SGCZ: variants seen among roughly 807,000 people sequenced by gnomAD.
SGCZ encodes sarcoglycan zeta.
SGCZ carries 40 observed loss-of-function variants against 41.3 expected under a neutral mutation model. The observed-to-expected ratio is 0.97, with a 90% CI of 0.75 to 1.26. The LOEUF (loss-of-function observed/expected upper bound fraction) is 1.26, where lower values mean the gene tolerates loss of function less well. Among genes scored for constraint, SGCZ ranks in the 50% most tolerant of loss-of-function variants. The pLI is 0.00. For missense variants in SGCZ, 552 were observed against 369.8 expected, an observed-to-expected ratio of 1.49 and a Z score of -4.04; for synonymous variants, 206 against 137.5, an observed-to-expected ratio of 1.50 and a Z score of -3.49.
At chr8:14,653,502 A>G (rs985468826) in intron 1 of SGCZ, among the ~76,000 whole-genome samples, 2 of 152,166 alleles carry the variant, frequency 1.3e-5, no homozygotes, top group African/African-American at 4.8e-5. Flanking sequence ...ATTATTCAGT[A>G]GCGCTGCATT....
chr8:14,298,650 T>C (rs554487439), intron 3 of SGCZ, among the ~76,000 whole-genome samples: 2 of 152,032 alleles, frequency 1.3e-5, no homozygotes, highest in South Asian at 2.1e-4. Flanking sequence ...GATCTGTTCA[T>C]TGAAAACTAT....
chr8:14,714,486 A>T (rs796250732), intron 1 of SGCZ, among the ~76,000 whole-genome samples: 9 of 152,078 alleles, frequency 5.9e-5, no homozygotes, highest in African/African-American at 2.2e-4. Context: ...TATATGGAAT[A>T]TTTTTTTTCA....
At chr8:14,547,558 T>G (rs1008104823) in intron 2 of SGCZ, among the ~76,000 whole-genome samples, 1 of 152,208 alleles carries the variant, frequency 6.6e-6, no homozygotes, top group Non-Finnish European at 1.5e-5. Flanking sequence ...TAATAATGCA[T>G]GGAAATAATG....
intron 1 of SGCZ, among the ~76,000 whole-genome samples, chr8:15,169,722 A>G (rs1235451693): frequency 1.3e-5 from 2 of 152,156 alleles, no homozygotes; most frequent in African/African-American, 2.4e-5. Flanking sequence ...GTATCTTCAC[A>G]TGGTGAAAAG....
intron 1 of SGCZ, among the ~76,000 whole-genome samples, chr8:15,093,463 T>G (rs1056928857): frequency 1.3e-5 from 2 of 152,228 alleles, no homozygotes; most frequent in Non-Finnish European, 2.9e-5. Context: ...TAGTGATAAT[T>G]TTGTAGTATA....
At position 14,673,568 on chromosome 8, in the gene SGCZ, G is replaced by A. The variant is rs191217580; in HGVS notation, c.40-118642C>T. ...GAGGCCTCCCAATCCATGTGGAACT[G>A]TGAGTCAATTAAACCTCTCTTATTT... On this transcript the variant is annotated intron_variant, in intron 1 of 7. Coordinates refer to ENST00000382080, the MANE Select transcript of SGCZ (RefSeq NM_139167.4). 4.2e-3 allele frequency among the ~76,000 whole-genome samples: 637 copies of A among 152,166 alleles called. 4 individuals are homozygous for A. Among genetic ancestry groups the A allele is most frequent in the African/African-American group, 0.015 (617 of 41,532 alleles).
intron 1 of SGCZ, among the ~76,000 whole-genome samples, chr8:14,814,226 T>A (rs750343017): frequency 4.6e-5 from 7 of 152,156 alleles, no homozygotes; most frequent in Non-Finnish European, 1.0e-4. Context: ...AAGCCATATT[T>A]GCGTTATTTT....
At chr8:14,592,711 C>T (rs1039938204) in intron 1 of SGCZ, among the ~76,000 whole-genome samples, 1 of 152,078 alleles carries the variant, frequency 6.6e-6, no homozygotes, top group African/African-American at 2.4e-5. Flanking sequence ...GGAAAAATTT[C>T]ATTTTATGTG....
intron 1 of SGCZ, among the ~76,000 whole-genome samples, chr8:14,721,751 A>T (rs1425049336): frequency 1.3e-5 from 2 of 152,214 alleles, no homozygotes; most frequent in Non-Finnish European, 2.9e-5. Context: ...TCTTCTGTTC[A>T]AAACTCTACA....
chr8:14,573,889 T>C (rs997674475), intron 1 of SGCZ, among the ~76,000 whole-genome samples: 3 of 152,096 alleles, frequency 2.0e-5, no homozygotes, highest in Non-Finnish European at 4.4e-5. Flanking sequence ...GGCCTAACTC[T>C]GAGAAGGTGA....
chr8:14,558,613 A>AGAGAGAGAGAGAGAC (rs59852253), intron 1 of SGCZ, among the ~76,000 whole-genome samples: 1 of 148,536 alleles, frequency 6.7e-6, no homozygotes, highest in Non-Finnish European at 1.5e-5. Flanking sequence ...AGAGAGAGAG[A>AGAGAGAGAGAGAGAC]ATCTTCCATA....
intron 2 of SGCZ, among the ~76,000 whole-genome samples, chr8:14,510,654 G>A (rs1256233491): frequency 6.6e-6 from 1 of 152,142 alleles, no homozygotes; most frequent in Non-Finnish European, 1.5e-5. Context: ...AGGCCTGTAA[G>A]GGCAGATATG....
At chr8:14,241,307 A>G (rs1282649565) in intron 3 of SGCZ, among the ~76,000 whole-genome samples, 4 of 151,676 alleles carry the variant, frequency 2.6e-5, no homozygotes, top group African/African-American at 4.8e-5. Flanking sequence ...AGAGAAATCT[A>G]TTTTGTTGAT....
In SGCZ at chr8:14,992,815, T is replaced by C. The variant is rs533542775; in HGVS notation, c.39+244770A>G. Reference sequence around the variant, plus strand: ...CAAAACTAGTGTTACCCTTGATATTTACCCCTCCCCCATCCTCCTCATTCA... The same window carrying C: ...CAAAACTAGTGTTACCCTTGATATTCACCCCTCCCCCATCCTCCTCATTCA... On this transcript the variant is annotated intron_variant, in intron 1 of 7. Coordinates refer to ENST00000382080, the MANE Select transcript of SGCZ (RefSeq NM_139167.4). Among the ~76,000 whole-genome samples, 141 of 148,378 alleles carry C rather than the reference T, an allele frequency of 9.5e-4. 1 individual carries two copies. Among genetic ancestry groups the C allele is most frequent in the African/African-American group, 3.5e-3 (138 of 39,982 alleles).
chr8:14,153,921 TCTCACACACA>T (rs1803792554), intron 5 of SGCZ, among the ~76,000 whole-genome samples: 1 of 117,164 alleles, frequency 8.5e-6, no homozygotes, highest in South Asian at 2.7e-4. Context: ...TCTCTCTCTC[TCTCACACACA>T]CACACACAGA....
chr8:14,694,632 T>C (rs1808899779), intron 1 of SGCZ, among the ~76,000 whole-genome samples: 1 of 152,208 alleles, frequency 6.6e-6, no homozygotes, highest in African/African-American at 2.4e-5. Context: ...CTTTCTCATT[T>C]ACAATGAACA....
chr8:14,831,518 T>C (rs1017810041), intron 1 of SGCZ, among the ~76,000 whole-genome samples: 2 of 152,146 alleles, frequency 1.3e-5, no homozygotes, highest in African/African-American at 4.8e-5. Context: ...TTCAGTCTAC[T>C]ACTTATTCTA....
chr8:14,107,279 A>G (rs908605892), intron 6 of SGCZ, among the ~76,000 whole-genome samples: 1 of 151,952 alleles, frequency 6.6e-6, no homozygotes, highest in African/African-American at 2.4e-5. Flanking sequence ...TGTATTAGGG[A>G]TCTAGATTTT....
At chr8:14,428,010 A>G (rs1048412043) in intron 2 of SGCZ, among the ~76,000 whole-genome samples, 1 of 151,996 alleles carries the variant, frequency 6.6e-6, no homozygotes, top group African/African-American at 2.4e-5. Context: ...ATACTATGTG[A>G]TTTCATATCA....
Sources: allele counts gnomAD v4.1 joint callset (sites outside exome capture counted in the v4.1 genomes callset), GRCh38; gene constraint gnomAD v4.1.1; transcripts MANE v1.5; gene names NCBI Gene and HGNC (gene_info 2026-07-23, HGNC 2026-07-21).